The following AFF2 variants were observed in gnomAD, a reference collection of about 807,000 sequenced individuals.
The protein encoded by AFF2 is AF4/FMR2 family member 2.
In AFF2, 14 loss-of-function variants were observed where a neutral mutation model predicts 76.9. That is an observed-to-expected ratio of 0.18 (90% CI 0.12 to 0.28). The LOEUF is 0.28. Among genes scored for constraint, AFF2 ranks in the 10% least tolerant of loss-of-function variants. The pLI, the probability that AFF2 is intolerant of heterozygous loss-of-function variation, is 1.00. For missense variants in AFF2, 868 were observed against 1,001.1 expected (o/e 0.87, Z 1.79); for synonymous variants, 398 against 366.7 (o/e 1.09, Z -0.98).
At chrX:148,737,321 A>G (rs1296035131) in intron 3 of AFF2, among the ~76,000 whole-genome samples, 1 of 110,830 alleles carries the variant, frequency 9.0e-6, no homozygotes, top group African/African-American at 3.3e-5. Flanking sequence ...TTCCTTGTAG[A>G]TGTTTTTTTC....
At chrX:148,824,652 C>T (rs781860306) in intron 4 of AFF2, among the ~76,000 whole-genome samples, 19 of 112,040 alleles carry the variant, frequency 1.7e-4, no homozygotes, top group African/African-American at 5.2e-4. Flanking sequence ...CCTTAGGGAT[C>T]GGCTTATTTT....
In AFF2 at chrX:148,687,181, C is replaced by T. The variant is rs139149373; in HGVS notation, c.1041+24413C>T. Among the ~76,000 whole-genome samples, 963 of 111,826 alleles carry T rather than the reference C, an allele frequency of 8.6e-3. 6 individuals are homozygous for T. Among genetic ancestry groups the T allele is most frequent in the African/African-American group, 0.029 (894 of 30,822 alleles). ...CATTGGAACAAGAAGATAATAAATA[C>T]AAATAACCATCTCTATATCATAGGG... On this transcript the variant is annotated intron_variant, in intron 3 of 20. Transcript: ENST00000370460.
intron 1 of AFF2, among the ~76,000 whole-genome samples, chrX:148,591,443 T>C (rs2053521372): frequency 8.9e-6 from 1 of 112,579 alleles, no homozygotes; most frequent in Non-Finnish European, 1.9e-5. Context: ...CTCAGTTTCT[T>C]TCTCTCCTTC....
rs782020207 is a variant in AFF2 at position 148,780,195 on chromosome X, C to A, written c.1042-29681C>A. 3.6e-5 allele frequency among the ~76,000 whole-genome samples: 4 copies of A among 111,924 alleles called. No individual in the cohort carries two copies. In the South Asian group the frequency reaches 1.5e-3, roughly 42 times the overall value. On this transcript the variant is annotated intron_variant, in intron 3 of 20. Transcript: ENST00000370460. ...GCCCTTAACATTTTTTCCTTCATTTCAACCTTGGTGAATCTGATGATTATG... is the reference window on the plus strand; with the variant it reads ...GCCCTTAACATTTTTTCCTTCATTTAAACCTTGGTGAATCTGATGATTATG...
intron 1 of AFF2, among the ~76,000 whole-genome samples, chrX:148,628,541 A>C (rs1333227618): frequency 2.7e-5 from 3 of 109,668 alleles, no homozygotes; most frequent in Non-Finnish European, 5.7e-5. Flanking sequence ...TGGCATTATA[A>C]AAAATTATTG....
intron 19 of AFF2, among the ~76,000 whole-genome samples, chrX:148,985,480 T>C (rs1424115380): frequency 9.2e-6 from 1 of 108,172 alleles, no homozygotes; most frequent in Non-Finnish European, 1.9e-5. Flanking sequence ...TCTTTCGACA[T>C]TTGTGGCACA....
chrX:148,602,116 T>G lies in AFF2; in HGVS notation c.48-49883T>G, dbSNP rs140182564. ...AAGGCTTTTCAGAGGAGGTGCCATT[T>G]AAAAAGAGAGCTTGGAGAAAATTGT... On this transcript the variant is annotated intron_variant, in intron 1 of 20. Transcript: ENST00000370460. Among the ~76,000 whole-genome samples, 207 of 111,739 alleles carry G rather than the reference T, an allele frequency of 1.9e-3. 1 individual carries two copies. Among genetic ancestry groups the G allele is most frequent in the African/African-American group, 6.5e-3 (200 of 30,782 alleles).
intron 3 of AFF2, among the ~76,000 whole-genome samples, chrX:148,683,222 T>C (rs781794716): frequency 2.7e-5 from 3 of 112,121 alleles, no homozygotes; most frequent in Admixed American, 9.4e-5. Flanking sequence ...TGTGTGACTA[T>C]GTCCTGAGGT....
chrX:148,901,353 C>A (rs1557280856), intron 8 of AFF2, among the ~76,000 whole-genome samples: 1 of 111,630 alleles, frequency 9.0e-6, no homozygotes, highest in Non-Finnish European at 1.9e-5. Context: ...TGATAGGGAA[C>A]CATGGCACAA....
intron 1 of AFF2, among the ~76,000 whole-genome samples, chrX:148,597,824 C>T (rs2053589759): frequency 8.9e-6 from 1 of 112,189 alleles, no homozygotes; most frequent in Non-Finnish European, 1.9e-5. Context: ...ATCCCGCCGG[C>T]GCCTTATTGC....
chrX:148,921,409 C>T lies in AFF2; in HGVS notation c.1397+17151C>T, dbSNP rs782251895. ...GCCCTGTACCCGTTAAGCAGTCACT[C>T]CTCATTTCTCCCTCCAGTAAGCCTT... On this transcript the variant is annotated intron_variant, in intron 9 of 20. Coordinates refer to ENST00000370460, the MANE Select transcript of AFF2 (RefSeq NM_002025.4). Among the ~76,000 whole-genome samples the T allele has an allele frequency of 4.4e-5, 5 of 112,436 alleles. No homozygotes were observed. The South Asian group carries it at 1.1e-3, about 25-fold the overall frequency.
At chrX:148,847,286 T>C (rs2070679105) in intron 7 of AFF2, among the ~76,000 whole-genome samples, 1 of 112,081 alleles carries the variant, frequency 8.9e-6, no homozygotes, top group Non-Finnish European at 1.9e-5. Context: ...AAAAGGACTT[T>C]CAGGCAGGTT....
chrX:148,800,272 C>T lies in AFF2; in HGVS notation c.1042-9604C>T, dbSNP rs781872177. 1.3e-4 allele frequency among the ~76,000 whole-genome samples: 14 copies of T among 111,431 alleles called. No homozygotes were observed. The South Asian group carries it at 3.8e-3, about 30-fold the overall frequency. ...CTGGCAATTAAGACAATCCTAAGTG[C>T]GGAGTATAGAGAGTCAATAAGGCGC... On this transcript the variant is annotated intron_variant, in intron 3 of 20. Transcript: ENST00000370460.
chrX:148,871,729 G>A (rs2070978833), intron 7 of AFF2, among the ~76,000 whole-genome samples: 1 of 111,271 alleles, frequency 9.0e-6, no homozygotes, highest in Non-Finnish European at 1.9e-5. Context: ...AGTCAGGGAG[G>A]AGGAGAAGAG....
chrX:148,973,705 G>T (rs2072287610), intron 16 of AFF2, 98 bp downstream of exon 16: 1 of 924,773 alleles, frequency 1.1e-6, no homozygotes, highest in South Asian at 2.8e-5. Flanking sequence ...TTAATAATTT[G>T]TCCAAGCCAT....
chrX:148,983,453 TG>T (rs1405345104), intron 19 of AFF2, among the ~76,000 whole-genome samples: 1 of 111,941 alleles, frequency 8.9e-6, no homozygotes, highest in African/African-American at 3.3e-5. Context: ...GACAGAATAT[TG>T]GTGAAGCCCT....
At chrX:148,701,603 T>C (rs1248116992) in intron 3 of AFF2, among the ~76,000 whole-genome samples, 8 of 112,418 alleles carry the variant, frequency 7.1e-5, no homozygotes, top group African/African-American at 2.6e-4. Flanking sequence ...ATTATTTTAA[T>C]ACTCTACAGA....
chrX:148,535,131 G>T (rs1207080546), intron 1 of AFF2, among the ~76,000 whole-genome samples: 2 of 111,302 alleles, frequency 1.8e-5, no homozygotes, highest in Non-Finnish European at 3.8e-5. Context: ...TTGACTGTGA[G>T]GTAATTTACA....
At chrX:148,855,491 C>T (rs1254866896) in intron 7 of AFF2, among the ~76,000 whole-genome samples, 2 of 111,925 alleles carry the variant, frequency 1.8e-5, no homozygotes, top group South Asian at 7.5e-4. Flanking sequence ...CAACAGATAA[C>T]CAGAAAATAT....
Sources: gnomAD v4.1 joint callset for allele counts (sites outside exome capture counted in the v4.1 genomes callset) on GRCh38, gnomAD v4.1.1 for gene constraint, MANE v1.5 for transcripts, NCBI Gene and HGNC (gene_info 2026-07-23, HGNC 2026-07-21) for gene names.